The following CDH8 variants were observed in gnomAD, a reference collection of about 807,000 sequenced individuals.
CDH8 encodes the protein cadherin-8.
A neutral mutation model predicts 68.1 loss-of-function variants in CDH8; 17 were observed. The ratio of observed to expected loss-of-function variants is 0.25; its 90% CI spans 0.17 to 0.37. The LOEUF is 0.37. Among genes scored for constraint, CDH8 ranks in the 10% least tolerant of loss-of-function variants. The pLI, the probability that CDH8 is intolerant of heterozygous loss-of-function variation, is 1.00. For synonymous variants in CDH8, 372 were observed against 365.1 expected (o/e 1.02, Z -0.21); for missense variants, 763 against 999.3 (o/e 0.76, Z 3.19).
intron 3 of CDH8, among the ~76,000 whole-genome samples, chr16:61,858,656 C>T (rs1963094426): frequency 6.6e-6 from 1 of 152,094 alleles, no homozygotes; most frequent in African/African-American, 2.4e-5. Context: ...CATTTTAAAT[C>T]AATATCTATG....
At chr16:61,718,413 G>A (rs1476294658) in intron 9 of CDH8, among the ~76,000 whole-genome samples, 2 of 151,280 alleles carry the variant, frequency 1.3e-5, no homozygotes, top group Non-Finnish European at 3.0e-5. Context: ...TGAACAGCAT[G>A]GTATCTTCAA....
chr16:61,982,913 ATATACTGCCATAATAGTGTTTCTTC>A, intron 2 of CDH8, among the ~76,000 whole-genome samples: 1 of 152,320 alleles, frequency 6.6e-6, no homozygotes, highest in South Asian at 2.1e-4. Flanking sequence ...AAAGGAATTT[ATATACTGCCATAATAGTGTTTCTTC>A]TGCTTTTTGC....
rs923971480 is a variant in CDH8, at chr16:61,784,033, G to C, written c.1414+5313C>G. On this transcript the variant is annotated intron_variant, in intron 8 of 11. Transcript: ENST00000577390. Reference sequence around the variant, plus strand: ...CTAGGAAGAAACTGCATCAACTAACGAGCAAAATCACCAGCTAACATCATA... The same window carrying C: ...CTAGGAAGAAACTGCATCAACTAACCAGCAAAATCACCAGCTAACATCATA... Among the ~76,000 whole-genome samples, 130 of 152,016 alleles carry C rather than the reference G, an allele frequency of 8.6e-4. 1 individual carries two copies. The highest frequency in any genetic ancestry group is 3.4e-3 in the Middle Eastern group (1 of 294).
intron 10 of CDH8, among the ~76,000 whole-genome samples, chr16:61,657,082 A>C (rs993276439): frequency 1.3e-5 from 2 of 151,520 alleles, no homozygotes; most frequent in East Asian, 3.9e-4. Flanking sequence ...ATATTGGCCA[A>C]TTATAGACCC....
At chr16:61,686,516 G>C (rs181504943) in intron 10 of CDH8, among the ~76,000 whole-genome samples, 1 of 151,772 alleles carries the variant, frequency 6.6e-6, no homozygotes, top group Non-Finnish European at 1.5e-5. Context: ...TTTAATTCCT[G>C]TGCACTCTCT....
chr16:61,789,479 A>T lies in CDH8; in HGVS notation c.1281T>A (p.Phe427Leu), dbSNP rs766550766. Residue 427 changes from phenylalanine (F) to leucine (L), a missense_variant, in exon 8 of 12, where the codon TTT (phenylalanine) becomes TTA (leucine). Transcript: ENST00000577390. Reference sequence around the variant, plus strand: ...CCAGGTCAGTGTGCCGGTCGATGGAAAACCTACAAAACAGACACATCTGTA... The same window carrying T: ...CCAGGTCAGTGTGCCGGTCGATGGATAACCTACAAAACAGACACATCTGTA... ...DPDITSSPIR[F>L]SIDRHTDLER... The T allele has an allele frequency of 4.3e-6, 7 of 1,612,302 alleles. No individual in the cohort carries two copies. The highest frequency in any genetic ancestry group is 5.9e-6 in the Non-Finnish European group (7 of 1,178,980).
intron 2 of CDH8, among the ~76,000 whole-genome samples, chr16:61,973,959 T>C (rs979474633): frequency 2.6e-5 from 4 of 152,200 alleles, no homozygotes; most frequent in African/African-American, 9.7e-5. Flanking sequence ...CATCATCTAG[T>C]GATCACTAAC....
chr16:61,894,693 A>T (rs534062814), intron 3 of CDH8, among the ~76,000 whole-genome samples: 2 of 152,180 alleles, frequency 1.3e-5, no homozygotes, highest in African/African-American at 4.8e-5. Flanking sequence ...CAAAAGAGGA[A>T]AACATAGCCA....
rs984047300 is a variant in CDH8 at position 61,871,139 on chromosome 16, CACACACACAT to C, written c.548-13911_548-13902del. ...TAGTCCAGCCAGGAAAACACACACA[CACACACACAT>C]ACACACACATACACACACACTTATA... is the stretch of plus-strand genomic sequence containing the variant. On this transcript the variant is annotated intron_variant, in intron 3 of 11. Coordinates refer to ENST00000577390, the MANE Select transcript of CDH8 (RefSeq NM_001796.5). Among the ~76,000 whole-genome samples, 206 of 152,098 alleles carry C rather than the reference CACACACACAT, an allele frequency of 1.4e-3. No homozygotes were observed. In the East Asian group the frequency reaches 0.021, roughly 16 times the overall value.
At chr16:61,929,667 T>A (rs1301324843) in intron 2 of CDH8, among the ~76,000 whole-genome samples, 3 of 152,054 alleles carry the variant, frequency 2.0e-5, no homozygotes, top group African/African-American at 7.2e-5. Context: ...TGGCAGTATA[T>A]CTTGAGGTCA....
rs1226403393 is a variant in CDH8 at position 61,649,603 on chromosome 16, G to A, written c.*4005C>T. The A allele has an allele frequency of 1.3e-5, 2 of 151,776 alleles. No homozygotes were observed. Among genetic ancestry groups the A allele is most frequent in the Non-Finnish European group, 2.9e-5 (2 of 67,940 alleles). The allele number at this position is 151,776 out of a possible 1,614,324, so 9.4% of individuals were successfully genotyped here. A position where few individuals can be genotyped will look rare whatever the true frequency, so the allele number is the denominator to read the frequency against. ...AGCCTTTCCGACAGTGCCAGTGATGGGATTTTTTTGAAATCTTATTACTGG... is the reference window on the plus strand; with the variant it reads ...AGCCTTTCCGACAGTGCCAGTGATGAGATTTTTTTGAAATCTTATTACTGG... On this transcript the variant is annotated 3_prime_UTR_variant, in exon 12 of 12. Coordinates refer to ENST00000577390, the MANE Select transcript of CDH8 (RefSeq NM_001796.5).
chr16:61,737,012 T>G (rs188878406), intron 8 of CDH8, among the ~76,000 whole-genome samples: 1 of 152,244 alleles, frequency 6.6e-6, no homozygotes. Context: ...AAGGCTGAAA[T>G]AGCATCTGGT....
At chr16:61,735,151 C>A (rs563325016) in intron 8 of CDH8, among the ~76,000 whole-genome samples, 1 of 152,126 alleles carries the variant, frequency 6.6e-6, no homozygotes, top group South Asian at 2.1e-4. Flanking sequence ...CCTAGGTGAT[C>A]TAGAATAATC....
At chr16:61,951,061 C>A (rs1056941822) in intron 2 of CDH8, among the ~76,000 whole-genome samples, 1 of 151,896 alleles carries the variant, frequency 6.6e-6, no homozygotes, top group Non-Finnish European at 1.5e-5. Context: ...TTAAAAAAAA[C>A]CTCCACATTC....
At chr16:61,669,536 ATAGT>A in intron 10 of CDH8, among the ~76,000 whole-genome samples, 1 of 152,196 alleles carries the variant, frequency 6.6e-6, no homozygotes, top group Non-Finnish European at 1.5e-5. Flanking sequence ...GAACAGATAG[ATAGT>A]TCGGTAAGTG....
intron 2 of CDH8, among the ~76,000 whole-genome samples, chr16:61,915,107 C>A (rs1964218256): frequency 6.6e-6 from 1 of 152,134 alleles, no homozygotes; most frequent in South Asian, 2.1e-4. Flanking sequence ...TACCTTCCTT[C>A]CTTTGTAAAA....
rs1262125319 is a variant in CDH8, at chr16:61,832,665, CA to C, written c.668-7487del. Among the ~76,000 whole-genome samples, 6 of 151,314 alleles carry C rather than the reference CA, an allele frequency of 4.0e-5. No individual in the cohort carries two copies. The East Asian group carries it at 1.2e-3, about 29-fold the overall frequency. On this transcript the variant is annotated intron_variant, in intron 4 of 11. Transcript: ENST00000577390. ...AGTTTTAGATGTTCACTTTTCTGTA[CA>C]ATATTTTTTAAAAGAAAATCAATTT...
At chr16:61,699,274 T>C (rs1371316188) in intron 10 of CDH8, among the ~76,000 whole-genome samples, 1 of 152,192 alleles carries the variant, frequency 6.6e-6, no homozygotes, top group Non-Finnish European at 1.5e-5. Context: ...GAACATAATC[T>C]GATAAGGCAT....
chr16:61,984,482 G>A (rs1290224395), intron 2 of CDH8, among the ~76,000 whole-genome samples: 1 of 150,592 alleles, frequency 6.6e-6, no homozygotes, highest in Non-Finnish European at 1.5e-5. Context: ...TAGAGACAAG[G>A]TCTCACTATG....
Sources: gnomAD v4.1 joint callset for allele counts (sites outside exome capture counted in the v4.1 genomes callset) on GRCh38, gnomAD v4.1.1 for gene constraint, MANE v1.5 for transcripts, NCBI Gene and HGNC (gene_info 2026-07-23, HGNC 2026-07-21) for gene names.